CTNNA2: variants seen among roughly 807,000 people sequenced by gnomAD.
CTNNA2 encodes catenin alpha 2.
A neutral mutation model predicts 101.0 loss-of-function variants in CTNNA2; 42 were observed. That is an observed-to-expected ratio of 0.42 (90% CI 0.32 to 0.54). CTNNA2 has a LOEUF of 0.54. Ranked by LOEUF, CTNNA2 falls within the 20% of genes least tolerant of loss-of-function variation. The probability of loss-of-function intolerance (pLI) is 0.14; values close to 1 mark genes in which losing one functional copy is unlikely to be tolerated. For missense variants in CTNNA2, 871 were observed against 1,223.1 expected, an observed-to-expected ratio of 0.71 and a Z score of 4.29; for synonymous variants, 450 against 456.4, an observed-to-expected ratio of 0.99 and a Z score of 0.18.
intron 18 of CTNNA2, among the ~76,000 whole-genome samples, chr2:80,629,394 C>T (rs561456646): frequency 8.5e-5 from 13 of 152,226 alleles, no homozygotes; most frequent in South Asian, 2.1e-4. Context: ...CTCTGTAAAA[C>T]GAATCTCATG....
chr2:79,887,880 ATTCT>A (rs1436838411), intron 6 of CTNNA2, among the ~76,000 whole-genome samples: 10 of 152,078 alleles, frequency 6.6e-5, no homozygotes, highest in South Asian at 2.1e-4. Flanking sequence ...TGCCTTTTCA[ATTCT>A]TTCTAACTGG....
intron 3 of CTNNA2, among the ~76,000 whole-genome samples, chr2:79,779,679 A>G (rs928902437): frequency 6.6e-6 from 1 of 152,186 alleles, no homozygotes; most frequent in East Asian, 1.9e-4. Context: ...TATACTACCC[A>G]TGATGACCCT....
At chr2:79,851,969 C>G (rs1268061973) in intron 3 of CTNNA2, among the ~76,000 whole-genome samples, 1 of 151,966 alleles carries the variant, frequency 6.6e-6, no homozygotes, top group African/African-American at 2.4e-5. Flanking sequence ...AACTCCTGAC[C>G]TCAAATGATC....
intron 4 of CTNNA2, among the ~76,000 whole-genome samples, chr2:79,435,768 C>T (rs1284861149): frequency 3.9e-5 from 6 of 151,964 alleles, no homozygotes; most frequent in East Asian, 1.9e-4. Context: ...GCAGCAGTGA[C>T]GGAGGTGAGG....
At chr2:79,345,591 A>G (rs1160732643) in intron 3 of CTNNA2, among the ~76,000 whole-genome samples, 2 of 152,174 alleles carry the variant, frequency 1.3e-5, no homozygotes. Flanking sequence ...GGTAAAGCAT[A>G]AATATCTGAC....
At chr2:80,496,878 T>G (rs1687517365) in intron 9 of CTNNA2, among the ~76,000 whole-genome samples, 1 of 152,224 alleles carries the variant, frequency 6.6e-6, no homozygotes, top group Admixed American at 6.5e-5. Context: ...TCCACTTTTA[T>G]TTTTGAACTG....
At chr2:80,098,367 G>T (rs1421166248) in intron 7 of CTNNA2, among the ~76,000 whole-genome samples, 1 of 152,192 alleles carries the variant, frequency 6.6e-6, no homozygotes, top group Non-Finnish European at 1.5e-5. Context: ...TCCTCTGGAA[G>T]TTTTGTCTCA....
chr2:79,694,408 A>G (rs1022901485), intron 2 of CTNNA2, among the ~76,000 whole-genome samples: 1 of 152,046 alleles, frequency 6.6e-6, no homozygotes, highest in African/African-American at 2.4e-5. Flanking sequence ...TTCTCCAGAA[A>G]TAATAAACAA....
chr2:79,477,168 CTTT>C (rs5832392), intron 4 of CTNNA2, among the ~76,000 whole-genome samples: 2 of 123,136 alleles, frequency 1.6e-5, no homozygotes, highest in Admixed American at 8.2e-5. Flanking sequence ...TCTTTTTTTT[CTTT>C]TTTTTTTTTT....
At chr2:80,351,534 T>C (rs1673290292) in intron 7 of CTNNA2, among the ~76,000 whole-genome samples, 1 of 152,112 alleles carries the variant, frequency 6.6e-6, no homozygotes, top group Non-Finnish European at 1.5e-5. Flanking sequence ...GATTGGTGAA[T>C]TATATTTTTA....
chr2:79,443,492 T>C lies in CTNNA2; in HGVS notation c.-134-61562T>C, dbSNP rs1573168614. ...TTTACTCAGTCTACAGATTCAAATC[T>C]AATCTTATCTGGAAACACCCTCATA... is the stretch of plus-strand genomic sequence containing the variant. On this transcript the variant is annotated intron_variant, in intron 4 of 21. Coordinates refer to the CTNNA2 transcript ENST00000466387. 3.3e-5 allele frequency among the ~76,000 whole-genome samples: 5 copies of C among 152,250 alleles called. No individual in the cohort carries two copies. In the South Asian group the frequency reaches 1.0e-3, roughly 32 times the overall value.
intron 3 of CTNNA2, among the ~76,000 whole-genome samples, chr2:79,321,967 A>T (rs143313937): frequency 6.6e-6 from 1 of 152,304 alleles, no homozygotes; most frequent in East Asian, 1.9e-4. Context: ...ATCCCCAACT[A>T]TGCCACTACT....
At chr2:80,188,714 G>C (rs569885898) in intron 7 of CTNNA2, among the ~76,000 whole-genome samples, 3 of 152,126 alleles carry the variant, frequency 2.0e-5, no homozygotes, top group African/African-American at 4.8e-5. Context: ...AGCTAGGAAA[G>C]GTTCTCCACT....
At chr2:79,847,845 T>C (rs1262098769) in intron 3 of CTNNA2, among the ~76,000 whole-genome samples, 1 of 152,186 alleles carries the variant, frequency 6.6e-6, no homozygotes, top group Non-Finnish European at 1.5e-5. Context: ...AATTAGATGC[T>C]AGCATGTTTG....
intron 7 of CTNNA2, among the ~76,000 whole-genome samples, chr2:80,222,699 A>G (rs2149057481): frequency 6.6e-6 from 1 of 152,332 alleles, no homozygotes; most frequent in South Asian, 2.1e-4. Context: ...AAAACTCAAA[A>G]GTATTTGTCA....
At position 80,555,754 on chromosome 2, in the gene CTNNA2, C is replaced by T. The variant is rs1692974571; in HGVS notation, c.1602C>T (p.Asp534=). The T allele has an allele frequency of 3.2e-6, 5 of 1,585,352 alleles. No homozygotes were observed. In the African/African-American group the frequency reaches 4.0e-5, roughly 13 times the overall value. ...TAGCCCTCCAAGAGGGCGATGTGGACACTCTGGACCGGACTGCAGGGGCCA... is the reference window on the plus strand; with the variant it reads ...TAGCCCTCCAAGAGGGCGATGTGGATACTCTGGACCGGACTGCAGGGGCCA... ...CVIALQEGDV[D]TLDRTAGAIR... The change falls in exon 12 of 19, where the codon GAC becomes GAT. Residue 534 remains aspartate (D), a synonymous_variant. Transcript: ENST00000402739.
chr2:80,175,338 G>T (rs1705324372), intron 7 of CTNNA2, among the ~76,000 whole-genome samples: 1 of 152,004 alleles, frequency 6.6e-6, no homozygotes, highest in Admixed American at 6.6e-5. Flanking sequence ...TTAATTGTTT[G>T]GTCAATGCCT....
At chr2:79,291,727 CTACATTAT>C (rs1675821715) in intron 2 of CTNNA2, among the ~76,000 whole-genome samples, 1 of 152,206 alleles carries the variant, frequency 6.6e-6, no homozygotes, top group Non-Finnish European at 1.5e-5. Context: ...AGTGCTTTGG[CTACATTAT>C]TTGTGAATAG....
chr2:80,233,969 G>A (rs1359710078), intron 7 of CTNNA2, among the ~76,000 whole-genome samples: 1 of 152,072 alleles, frequency 6.6e-6, no homozygotes, highest in African/African-American at 2.4e-5. Flanking sequence ...GTGTTAGCTA[G>A]TATCACTACT....
Sources: allele counts gnomAD v4.1 joint callset (sites outside exome capture counted in the v4.1 genomes callset), GRCh38; gene constraint gnomAD v4.1.1; transcripts MANE v1.5; gene names NCBI Gene and HGNC (gene_info 2026-07-23, HGNC 2026-07-21).